The following KCNQ1 variants were observed in gnomAD, a reference collection of about 807,000 sequenced individuals.
KCNQ1 encodes the protein potassium voltage-gated channel subfamily KQT member 1.
In KCNQ1, 49 loss-of-function variants were observed where a neutral mutation model predicts 72.4. That is an observed-to-expected ratio of 0.68 (90% CI 0.54 to 0.86). The LOEUF (loss-of-function observed/expected upper bound fraction) is 0.86. Ranked by LOEUF, KCNQ1 falls within the 40% of genes least tolerant of loss-of-function variation. KCNQ1 has a pLI of 0.00. For synonymous variants in KCNQ1, 450 were observed against 412.6 expected (o/e 1.09, Z -1.10); for missense variants, 790 against 945.1 (o/e 0.84, Z 2.15).
chr11:2,655,598 C>CTG (rs1226390177), intron 10 of KCNQ1: 6 of 398,578 alleles, frequency 1.5e-5, no homozygotes, highest in Non-Finnish European at 4.4e-6. Flanking sequence ...CAAGCAAGAC[C>CTG]TGTTAGGGCA....
intron 15 of KCNQ1, among the ~76,000 whole-genome samples, chr11:2,799,999 G>T (rs949685245): frequency 1.3e-5 from 2 of 152,176 alleles, no homozygotes; most frequent in African/African-American, 2.4e-5. Flanking sequence ...GCCTAAGGGT[G>T]GGGTAGAAGC....
In KCNQ1 at chr11:2,764,101, C is replaced by T. The variant is rs1391926269; in HGVS notation, c.1515-4743C>T. Among the ~76,000 whole-genome samples, 2 of 152,124 alleles carry T rather than the reference C, an allele frequency of 1.3e-5. No homozygotes were observed. Reference sequence around the variant, plus strand: ...AATGTGAAATAGAAACGATAACATCCTTGCCTTGCTTCCTGTCTCAGGAGG... The same window carrying T: ...AATGTGAAATAGAAACGATAACATCTTTGCCTTGCTTCCTGTCTCAGGAGG... On this transcript the variant is annotated intron_variant, in intron 11 of 15. Transcript: ENST00000155840. The surrounding 1 kb of genome is among the most constrained non-coding windows in gnomAD (Gnocchi z 4.8).
rs192050291 is a variant in KCNQ1, at chr11:2,708,913, T to A, written c.1514+46832T>A. ...GGCAAAGCACCCGGTCACCTTTCTCTGCTTGGAGTGCAATCTTTTTTTGGA... is the reference window on the plus strand; with the variant it reads ...GGCAAAGCACCCGGTCACCTTTCTCAGCTTGGAGTGCAATCTTTTTTTGGA... On this transcript the variant is annotated intron_variant, in intron 11 of 15. Coordinates refer to ENST00000155840, the MANE Select transcript of KCNQ1 (RefSeq NM_000218.3). Among the ~76,000 whole-genome samples the A allele has an allele frequency of 1.2e-4, 18 of 152,246 alleles. No homozygotes were observed. In the East Asian group the frequency reaches 3.3e-3, roughly 28 times the overall value.
chr11:2,523,751 GTTTTTT>G (rs59766245), intron 1 of KCNQ1, among the ~76,000 whole-genome samples: 19 of 115,144 alleles, frequency 1.7e-4, no homozygotes, highest in Admixed American at 3.7e-4. Flanking sequence ...GAAGTTTACA[GTTTTTT>G]TTTTTTTTTT....
At position 2,451,741 on chromosome 11, in the gene KCNQ1, G is replaced by A. The variant is rs1278892702; in HGVS notation, c.386+6257G>A. Among the ~76,000 whole-genome samples, 1 of 152,180 alleles carries A rather than the reference G, an allele frequency of 6.6e-6. No individual in the cohort carries two copies. The highest frequency in any genetic ancestry group is 1.5e-5 in the Non-Finnish European group (1 of 68,020). On this transcript the variant is annotated intron_variant, in intron 1 of 15. Transcript: ENST00000155840. This position sits in a 1 kb window ranked among gnomAD's most constrained non-coding sequence, Gnocchi z 6.4. ...GCCCCTGCCCGCTCTGGGACCTGGG[G>A]CCTGGGCTCTGCTCCCCATTTCGCT...
chr11:2,804,268 G>A (rs1847331820), intron 15 of KCNQ1, among the ~76,000 whole-genome samples: 1 of 152,134 alleles, frequency 6.6e-6, no homozygotes, highest in Non-Finnish European at 1.5e-5. Context: ...CGGCACATCA[G>A]CAAGCACAGG....
chr11:2,597,915 T>C (rs1391308021), intron 10 of KCNQ1, among the ~76,000 whole-genome samples: 1 of 152,176 alleles, frequency 6.6e-6, no homozygotes, highest in African/African-American at 2.4e-5. Flanking sequence ...TTCTCTATCA[T>C]CTCTTCGTTT....
chr11:2,764,640 T>G lies in KCNQ1; in HGVS notation c.1515-4204T>G, dbSNP rs1006641848. Reference sequence around the variant, plus strand: ...CTGGTGATGTCGTCTAGATACAGAGTTTTCTTTGCCAGAAGATCATTAAAA... The same window carrying G: ...CTGGTGATGTCGTCTAGATACAGAGGTTTCTTTGCCAGAAGATCATTAAAA... On this transcript the variant is annotated intron_variant, in intron 11 of 15. Coordinates refer to ENST00000155840, the MANE Select transcript of KCNQ1 (RefSeq NM_000218.3). This position sits in a 1 kb window ranked among gnomAD's most constrained non-coding sequence, Gnocchi z 4.8. Among the ~76,000 whole-genome samples the G allele has an allele frequency of 2.6e-5, 4 of 152,086 alleles. No individual in the cohort carries two copies. The highest frequency in any genetic ancestry group is 9.7e-5 in the African/African-American group (4 of 41,404).
rs1330850257 is a variant in KCNQ1, at chr11:2,687,397, C to T, written c.1514+25316C>T. The T allele has an allele frequency of 2.5e-6, 1 of 398,686 alleles. No individual in the cohort carries two copies. Among genetic ancestry groups the T allele is most frequent in the Non-Finnish European group, 4.4e-6 (1 of 226,104 alleles). 24.7% of individuals were successfully genotyped at this position (398,686 alleles called of 1,614,324 possible). A position where few individuals can be genotyped will look rare whatever the true frequency, so the allele number is the denominator to read the frequency against. Reference sequence around the variant, plus strand: ...TCAGGGCTGAGCTCTGCTGAAGGATCTGGGAGGTCAGTAGGCACCTGTGTC... The same window carrying T: ...TCAGGGCTGAGCTCTGCTGAAGGATTTGGGAGGTCAGTAGGCACCTGTGTC... On this transcript the variant is annotated intron_variant, in intron 11 of 15. Transcript: ENST00000155840. This position sits in a 1 kb window ranked among gnomAD's most constrained non-coding sequence, Gnocchi z 5.0.
In KCNQ1 at chr11:2,567,759, C is replaced by G. The variant is rs1367049526; in HGVS notation, c.478-2869C>G. On this transcript the variant is annotated intron_variant, in intron 2 of 15. Transcript: ENST00000155840. This position sits in a 1 kb window ranked among gnomAD's most constrained non-coding sequence, Gnocchi z 6.6. The stretch of plus-strand genomic sequence containing the variant: ...GTGTTGTTTTTAATCATTCCTACCA[C>G]CTTGTCCCACAGGCAGGAGTCCTGC... Among the ~76,000 whole-genome samples the G allele has an allele frequency of 6.6e-6, 1 of 152,224 alleles. No homozygotes were observed. The highest frequency in any genetic ancestry group is 2.4e-5 in the African/African-American group (1 of 41,458).
At chr11:2,660,258 A>G (rs1849928154) in intron 10 of KCNQ1, 2 of 398,354 alleles carry the variant, frequency 5.0e-6, no homozygotes, top group South Asian at 1.3e-4. Context: ...CATCTGTCCT[A>G]TCAGGCATAG....
At position 2,768,794 on chromosome 11, in the gene KCNQ1, G is replaced by A; in HGVS notation, c.1515-50G>A. 7.0e-7 allele frequency: 1 copy of A among 1,429,638 alleles called. No individual in the cohort carries two copies. The highest frequency in any genetic ancestry group is 9.9e-7 in the Non-Finnish European group (1 of 1,011,540). The allele number at this position is 1,429,638 out of a possible 1,614,324, so 88.6% of individuals were successfully genotyped here. ...GGCAGTGCAGGGGCAGTGAGGGGAT[G>A]ACCAGCACAGGGTGGCCACTCACAA... On this transcript the variant is annotated intron_variant, in intron 11 of 15. Transcript: ENST00000155840. This position sits in a 1 kb window ranked among gnomAD's most constrained non-coding sequence, Gnocchi z 6.7.
At chr11:2,786,345 T>C (rs886228220) in intron 15 of KCNQ1, among the ~76,000 whole-genome samples, 1 of 152,218 alleles carries the variant, frequency 6.6e-6, no homozygotes, top group Non-Finnish European at 1.5e-5. Flanking sequence ...CTGTCTTTTT[T>C]CTCTGGCTGC....
chr11:2,804,453 G>A (rs1847334318), intron 15 of KCNQ1, among the ~76,000 whole-genome samples: 1 of 152,210 alleles, frequency 6.6e-6, no homozygotes, highest in South Asian at 2.1e-4. Flanking sequence ...TGACGGTGCT[G>A]GGAGAGATGA....
chr11:2,729,018 G>A (rs931642901), intron 11 of KCNQ1, among the ~76,000 whole-genome samples: 2 of 152,218 alleles, frequency 1.3e-5, no homozygotes, highest in Admixed American at 6.5e-5. Context: ...GTGCATGCAG[G>A]GCTGGCAACT....
In KCNQ1 at chr11:2,549,921, G is replaced by T. The variant is rs920237079; in HGVS notation, c.478-20707G>T. Among the ~76,000 whole-genome samples the T allele has an allele frequency of 1.3e-5, 2 of 152,098 alleles. No individual in the cohort carries two copies. The highest frequency in any genetic ancestry group is 2.9e-5 in the Non-Finnish European group (2 of 68,000). ...TTCCGGCTCCTTGCCCACCGCCCCCGCCACCCAGCGCGAGCCGCGTAGAGG... is the reference window on the plus strand; with the variant it reads ...TTCCGGCTCCTTGCCCACCGCCCCCTCCACCCAGCGCGAGCCGCGTAGAGG... On this transcript the variant is annotated intron_variant, in intron 2 of 15. Coordinates refer to ENST00000155840, the MANE Select transcript of KCNQ1 (RefSeq NM_000218.3). The surrounding 1 kb of genome is among the most constrained non-coding windows in gnomAD (Gnocchi z 6.2).
intron 1 of KCNQ1, among the ~76,000 whole-genome samples, chr11:2,520,583 A>G (rs1480231077): frequency 6.6e-6 from 1 of 152,148 alleles, no homozygotes; most frequent in Non-Finnish European, 1.5e-5. Flanking sequence ...CCTGGGGAAC[A>G]GCCCTGGCAG....
At chr11:2,702,915 G>A (rs1363995669) in intron 11 of KCNQ1, among the ~76,000 whole-genome samples, 4 of 152,192 alleles carry the variant, frequency 2.6e-5, no homozygotes, top group Non-Finnish European at 4.4e-5. Context: ...ATCAGCCAGC[G>A]CCGCCTGCCA....
rs555731970 is a variant in KCNQ1, at chr11:2,495,982, G to T, written c.387-31946G>T. Among the ~76,000 whole-genome samples the T allele has an allele frequency of 3.9e-5, 6 of 152,300 alleles. No individual in the cohort carries two copies. Among genetic ancestry groups the T allele is most frequent in the African/African-American group, 1.4e-4 (6 of 41,546 alleles). On this transcript the variant is annotated intron_variant, in intron 1 of 15. Transcript: ENST00000155840. This position sits in a 1 kb window ranked among gnomAD's most constrained non-coding sequence, Gnocchi z 4.6. ...ATTGAGTAGGAATATAAGTCTCTTT[G>T]TAGGTCTCTAAGAACTTGTTTTATG...
Sources: gnomAD v4.1 joint callset for allele counts (sites outside exome capture counted in the v4.1 genomes callset) on GRCh38, gnomAD v4.1.1 for gene constraint, Gnocchi (gnomAD v3.1) non-coding constraint, MANE v1.5 for transcripts, NCBI Gene and HGNC (gene_info 2026-07-23, HGNC 2026-07-21) for gene names.